The following DTNB variants were observed in gnomAD, a reference collection of about 807,000 sequenced individuals.
The protein encoded by DTNB is DTN-B.
In DTNB, 63 loss-of-function variants were observed where a neutral mutation model predicts 90.7. That is an observed-to-expected ratio of 0.69 (90% CI 0.57 to 0.86). DTNB has a LOEUF of 0.86. Among genes scored for constraint, DTNB ranks in the 40% least tolerant of loss-of-function variants. The pLI is 0.00. For synonymous variants in DTNB, 277 were observed against 286.7 expected, an observed-to-expected ratio of 0.97 and a Z score of 0.34; for missense variants, 744 against 807.1, an observed-to-expected ratio of 0.92 and a Z score of 0.95.
At chr2:25,499,727 T>C (rs1033895581) in intron 9 of DTNB, among the ~76,000 whole-genome samples, 11 of 152,226 alleles carry the variant, frequency 7.2e-5, no homozygotes, top group African/African-American at 2.7e-4. Context: ...TATGAGCTTG[T>C]AAACTTTGCG....
rs192845028 is a variant in DTNB, at chr2:25,462,980, G to A, written c.1080-7486C>T. On this transcript the variant is annotated intron_variant, in intron 10 of 20. Coordinates refer to ENST00000406818, the MANE Select transcript of DTNB (RefSeq NM_021907.5). ...GGCCTCCCAAAGTGCTGGGATTACAGGCGTGAGCCACCGCGCCCGGCCTAC... is the reference window on the plus strand; with the variant it reads ...GGCCTCCCAAAGTGCTGGGATTACAAGCGTGAGCCACCGCGCCCGGCCTAC... Among the ~76,000 whole-genome samples, 3 of 152,294 alleles carry A rather than the reference G, an allele frequency of 2.0e-5. No individual in the cohort carries two copies. The East Asian group carries it at 5.8e-4, about 29-fold the overall frequency.
intron 16 of DTNB, among the ~76,000 whole-genome samples, chr2:25,415,244 CT>C (rs34257264): frequency 0.16 from 20,146 of 123,246 alleles, 973 homozygotes; most frequent in Non-Finnish European, 0.22. Flanking sequence ...ATAAGAGCTT[CT>C]TTTTTTTTTT....
chr2:25,647,447 C>G (rs987441689), intron 2 of DTNB, among the ~76,000 whole-genome samples: 1 of 152,190 alleles, frequency 6.6e-6, no homozygotes, highest in Admixed American at 6.5e-5. Context: ...TTTTCAAGTA[C>G]TCATGGAATA....
chr2:25,672,204 A>C (rs910625781), intron 1 of DTNB, among the ~76,000 whole-genome samples: 1 of 29,006 alleles, frequency 3.4e-5, no homozygotes, highest in South Asian at 1.3e-3. Flanking sequence ...CTCGCATAGC[A>C]AAAAAAAAAA....
At chr2:25,521,384 T>C (rs1370818331) in intron 9 of DTNB, among the ~76,000 whole-genome samples, 1 of 148,824 alleles carries the variant, frequency 6.7e-6, no homozygotes, top group East Asian at 1.9e-4. Context: ...TGTGTCCCAA[T>C]AATTTTTTTT....
At chr2:25,650,173 A>G (rs2080556606) in intron 2 of DTNB, 1 of 985,316 alleles carries the variant, frequency 1.0e-6, no homozygotes, top group Admixed American at 6.1e-5. Flanking sequence ...CTGCATGCGT[A>G]TTACTTAAGG....
At chr2:25,433,384 C>G (rs934566851) in intron 13 of DTNB, among the ~76,000 whole-genome samples, 2 of 152,214 alleles carry the variant, frequency 1.3e-5, no homozygotes, top group African/African-American at 4.8e-5. Flanking sequence ...TTCCTTCCCT[C>G]TGTCCCCGAT....
intron 10 of DTNB, among the ~76,000 whole-genome samples, chr2:25,476,148 A>T (rs1486484791): frequency 6.7e-6 from 1 of 149,552 alleles, no homozygotes; most frequent in Admixed American, 6.7e-5. Flanking sequence ...GGCTCACTGC[A>T]ACCTCCACCT....
At chr2:25,465,830 C>T (rs2061678040) in intron 10 of DTNB, among the ~76,000 whole-genome samples, 1 of 152,180 alleles carries the variant, frequency 6.6e-6, no homozygotes, top group Non-Finnish European at 1.5e-5. Flanking sequence ...TTTTTCTGCA[C>T]AGCATTTACC....
In DTNB at chr2:25,503,053, CAAAAAAAAAAAAAAAAAAAAAAAAAA is replaced by C. The variant is rs58871909; in HGVS notation, c.1002-20206_1002-20181del. 3.3e-4 allele frequency among the ~76,000 whole-genome samples: 5 copies of C among 15,332 alleles called. No individual in the cohort carries two copies. In the Admixed American group the frequency reaches 6.2e-3, roughly 19 times the overall value. The allele number at this position is 15,332 out of a possible 152,430, so 10.1% of individuals were successfully genotyped here. A position where few individuals can be genotyped will look rare whatever the true frequency, so the allele number is the denominator to read the frequency against. ...AGAGTGACAGAGCAAGACCCTATCT[CAAAAAAAAAAAAAAAAAAAAAAAAAA>C]AAAAAAAAAAAAGTCCAGACTGTGA... is the stretch of plus-strand genomic sequence containing the variant. On this transcript the variant is annotated intron_variant, in intron 9 of 20. Transcript: ENST00000406818.
intron 8 of DTNB, among the ~76,000 whole-genome samples, chr2:25,555,679 C>T (rs2057215352): frequency 6.6e-6 from 1 of 152,150 alleles, no homozygotes; most frequent in Admixed American, 6.5e-5. Context: ...GAACCTCTTT[C>T]CACATCGATT....
intron 9 of DTNB, among the ~76,000 whole-genome samples, chr2:25,486,395 G>T (rs2066149412): frequency 6.6e-6 from 1 of 152,142 alleles, no homozygotes; most frequent in Non-Finnish European, 1.5e-5. Flanking sequence ...GCACAGGGAG[G>T]TTGAGGTTTC....
chr2:25,603,408 C>T (rs980689161), intron 5 of DTNB, among the ~76,000 whole-genome samples: 7 of 152,052 alleles, frequency 4.6e-5, no homozygotes, highest in East Asian at 1.9e-4. Flanking sequence ...AAGTTACCTC[C>T]GAATCTAGGA....
In DTNB at chr2:25,639,084, A is replaced by C; in HGVS notation, c.78T>G (p.Asn26Lys). 1.3e-6 allele frequency: 2 copies of C among 1,581,148 alleles called. No individual in the cohort carries two copies. The highest frequency in any genetic ancestry group is 1.7e-6 in the Non-Finnish European group (2 of 1,159,702). The change falls in exon 3 of 21, where the codon AAT becomes AAG. Residue 26 changes from asparagine to lysine, a missense_variant. Coordinates refer to ENST00000406818, the MANE Select transcript of DTNB (RefSeq NM_021907.5). ...AAGTTGATAGTCGTATGACATCAAAATTCTGAGCACCTGAAAAAAGGCAAA... is the reference window on the plus strand; with the variant it reads ...AAGTTGATAGTCGTATGACATCAAACTTCTGAGCACCTGAAAAAAGGCAAA... ...RQLFIEMRAQ[N>K]FDVIRLSTYR... is the part of the protein sequence containing the mutation.
intron 7 of DTNB, among the ~76,000 whole-genome samples, chr2:25,578,796 T>C (rs1226723143): frequency 1.3e-5 from 2 of 152,200 alleles, no homozygotes; most frequent in African/African-American, 4.8e-5. Context: ...GTGCAACTTT[T>C]GCTTAAGTGA....
At chr2:25,437,048 G>C (rs2056029054) in intron 12 of DTNB, among the ~76,000 whole-genome samples, 1 of 152,268 alleles carries the variant, frequency 6.6e-6, no homozygotes, top group Non-Finnish European at 1.5e-5. Context: ...AATCAGGTAA[G>C]ACTGGTTGGC....
intron 10 of DTNB, among the ~76,000 whole-genome samples, chr2:25,478,858 G>A (rs189673778): frequency 3.3e-5 from 5 of 152,310 alleles, no homozygotes; most frequent in Admixed American, 3.3e-4. Flanking sequence ...GGGCAAGGCT[G>A]TAGGGAGGTG....
chr2:25,512,633 A>T (rs2074184312), intron 9 of DTNB, among the ~76,000 whole-genome samples: 1 of 152,250 alleles, frequency 6.6e-6, no homozygotes, highest in Admixed American at 6.5e-5. Flanking sequence ...AATGCAAAGA[A>T]GAGATCCATA....
chr2:25,446,648 G>A (rs6721434), intron 12 of DTNB, among the ~76,000 whole-genome samples: 128,791 of 152,098 alleles, frequency 0.85, 54,810 homozygotes, highest in Non-Finnish European at 0.87. Flanking sequence ...ATAAAGTAAC[G>A]TCTTATGTGT....
Sources: gnomAD v4.1 joint callset for allele counts (sites outside exome capture counted in the v4.1 genomes callset) on GRCh38, gnomAD v4.1.1 for gene constraint, MANE v1.5 for transcripts, NCBI Gene and HGNC (gene_info 2026-07-23, HGNC 2026-07-21) for gene names.